Variants in PDE4B observed in about 807,000 individuals in gnomAD.
The protein encoded by PDE4B is 3',5'-cyclic-AMP phosphodiesterase 4B.
PDE4B carries 20 observed loss-of-function variants against 82.2 expected under a neutral mutation model. The observed-to-expected ratio is 0.24, with a 90% CI of 0.17 to 0.35. PDE4B has a LOEUF of 0.35. Ranked by LOEUF, PDE4B falls within the 10% of genes least tolerant of loss-of-function variation. The pLI is 1.00. For missense variants in PDE4B, 655 were observed against 907.2 expected, an observed-to-expected ratio of 0.72 and a Z score of 3.57; for synonymous variants, 320 against 318.9, an observed-to-expected ratio of 1.00 and a Z score of -0.04.
At chr1:66,365,237 G>T (rs985133848) in intron 12 of PDE4B, among the ~76,000 whole-genome samples, 1 of 152,304 alleles carries the variant, frequency 6.6e-6, no homozygotes, top group East Asian at 1.9e-4. Flanking sequence ...TGAATCGGGA[G>T]TTTGGCCATT....
chr1:66,151,164 TG>T (rs1425448549), intron 3 of PDE4B, among the ~76,000 whole-genome samples: 6 of 152,210 alleles, frequency 3.9e-5, no homozygotes, highest in African/African-American at 1.4e-4. Context: ...CATGTGGGTT[TG>T]AACTTTTCAT....
chr1:66,277,150 G>A (rs538522823), intron 7 of PDE4B, among the ~76,000 whole-genome samples: 6 of 148,338 alleles, frequency 4.0e-5, no homozygotes, highest in African/African-American at 1.5e-4. Flanking sequence ...ATCGAGGGGC[G>A]GTGGTCCTGA....
chr1:66,271,538 C>G (rs946894351), intron 7 of PDE4B, among the ~76,000 whole-genome samples: 9 of 152,200 alleles, frequency 5.9e-5, no homozygotes, highest in African/African-American at 2.2e-4. Flanking sequence ...CAAAGACAAC[C>G]ATCAGGTTTT....
chr1:65,880,669 G>T (rs770092852), intron 1 of PDE4B, among the ~76,000 whole-genome samples: 25 of 152,154 alleles, frequency 1.6e-4, no homozygotes, highest in Non-Finnish European at 3.7e-4. Flanking sequence ...GCAGACACCG[G>T]ATCTACCAGT....
intron 3 of PDE4B, among the ~76,000 whole-genome samples, chr1:66,046,669 G>T (rs535449947): frequency 5.3e-5 from 8 of 151,870 alleles, no homozygotes; most frequent in African/African-American, 1.9e-4. Context: ...AGAAGACTCT[G>T]AATTATCGGG....
At chr1:66,295,669 T>A (rs1173379888) in intron 7 of PDE4B, among the ~76,000 whole-genome samples, 1 of 152,130 alleles carries the variant, frequency 6.6e-6, no homozygotes, top group Non-Finnish European at 1.5e-5. Flanking sequence ...CCTGAAGTGA[T>A]CCTCCCATTT....
intron 3 of PDE4B, among the ~76,000 whole-genome samples, chr1:65,997,941 A>G (rs933275359): frequency 2.0e-5 from 3 of 152,178 alleles, no homozygotes; most frequent in African/African-American, 7.2e-5. Context: ...AAGAGATGAC[A>G]TTTGTGTGGG....
At chr1:66,337,497 G>A (rs1365008889) in intron 8 of PDE4B, among the ~76,000 whole-genome samples, 1 of 152,218 alleles carries the variant, frequency 6.6e-6, no homozygotes. Context: ...GAAGAGACTT[G>A]TGTAGGAGGA....
intron 3 of PDE4B, among the ~76,000 whole-genome samples, chr1:66,230,511 C>T (rs1411072820): frequency 6.6e-6 from 1 of 152,150 alleles, no homozygotes; most frequent in African/African-American, 2.4e-5. Context: ...GCAAAGCAAA[C>T]ATAATAATCC....
At position 66,048,806 on chromosome 1, in the gene PDE4B, A is replaced by C. The variant is rs1654858140; in HGVS notation, c.281+129971A>C. 3.3e-5 allele frequency: 5 copies of C among 152,072 alleles called. No individual in the cohort carries two copies. The South Asian group carries it at 1.0e-3, about 32-fold the overall frequency. 9.4% of individuals were successfully genotyped at this position (152,072 alleles called of 1,614,324 possible). A position where few individuals can be genotyped will look rare whatever the true frequency, so the allele number is the denominator to read the frequency against. On this transcript the variant is annotated intron_variant, in intron 3 of 16. Coordinates refer to ENST00000341517, the MANE Select transcript of PDE4B (RefSeq NM_002600.4). Reference sequence around the variant, plus strand: ...TTTGTTTGGGAGGCTACTTGAGATCACTTCCTTTTCACTGATAGGTCAGAG... The same window carrying C: ...TTTGTTTGGGAGGCTACTTGAGATCCCTTCCTTTTCACTGATAGGTCAGAG...
intron 3 of PDE4B, among the ~76,000 whole-genome samples, chr1:66,032,690 C>G (rs997542468): frequency 7.1e-6 from 1 of 141,392 alleles, no homozygotes; most frequent in Non-Finnish European, 1.5e-5. Context: ...GAGTCTCGCT[C>G]TGTCAGCCAG....
chr1:66,300,444 T>G lies in PDE4B; in HGVS notation c.635-32064T>G, dbSNP rs200810975. 4.6e-5 allele frequency among the ~76,000 whole-genome samples: 7 copies of G among 152,230 alleles called. No individual in the cohort carries two copies. In the East Asian group the frequency reaches 1.4e-3, roughly 29 times the overall value. On this transcript the variant is annotated intron_variant, in intron 7 of 16. Transcript: ENST00000341517. The stretch of plus-strand genomic sequence containing the variant: ...TCAGAGATCGGCCAGTTCACTGTAC[T>G]TTATTGACTGTGGACTGTTGATTTA...
chr1:65,826,478 G>T (rs186099646), intron 1 of PDE4B, among the ~76,000 whole-genome samples: 1 of 152,060 alleles, frequency 6.6e-6, no homozygotes, highest in African/African-American at 2.4e-5. Context: ...GTCCCACCAG[G>T]TACTCAGAGT....
chr1:66,164,559 A>AAG (rs1646684670), intron 3 of PDE4B, among the ~76,000 whole-genome samples: 1 of 125,072 alleles, frequency 8.0e-6, no homozygotes, highest in Non-Finnish European at 1.7e-5. Flanking sequence ...AAAAAAAAAA[A>AAG]AAAGAAAGAA....
chr1:65,825,985 T>A (rs1360664652), intron 1 of PDE4B, among the ~76,000 whole-genome samples: 1 of 152,234 alleles, frequency 6.6e-6, no homozygotes, highest in Non-Finnish European at 1.5e-5. Flanking sequence ...ATTTTGCATC[T>A]GGACTAACAT....
At chr1:66,350,535 G>A (rs763069650) in intron 8 of PDE4B, among the ~76,000 whole-genome samples, 71 of 151,970 alleles carry the variant, frequency 4.7e-4, no homozygotes, top group Non-Finnish European at 1.3e-4. Context: ...ACCCTCAACA[G>A]GCCTAAATTA....
At chr1:66,216,702 A>G (rs1424953957) in intron 3 of PDE4B, among the ~76,000 whole-genome samples, 2 of 152,284 alleles carry the variant, frequency 1.3e-5, no homozygotes, top group Non-Finnish European at 2.9e-5. Context: ...AGAATTTCAC[A>G]TATTTACTTC....
At chr1:65,978,894 T>C (rs917509664) in intron 3 of PDE4B, among the ~76,000 whole-genome samples, 4 of 152,346 alleles carry the variant, frequency 2.6e-5, no homozygotes, top group South Asian at 2.1e-4. Context: ...AACAGATGTA[T>C]AAAATCTGTT....
chr1:66,356,042 G>A (rs573062919), intron 9 of PDE4B, among the ~76,000 whole-genome samples: 2 of 152,274 alleles, frequency 1.3e-5, no homozygotes, highest in African/African-American at 2.4e-5. Flanking sequence ...CCTCTATGAT[G>A]TTTTGTAGGG....
Sources: allele counts gnomAD v4.1 joint callset (sites outside exome capture counted in the v4.1 genomes callset), GRCh38; gene constraint gnomAD v4.1.1; transcripts MANE v1.5; gene names NCBI Gene and HGNC (gene_info 2026-07-23, HGNC 2026-07-21).